The following JPH1 variants were observed in gnomAD, a reference collection of about 807,000 sequenced individuals.
The protein encoded by JPH1 is junctophilin-1.
A neutral mutation model predicts 53.6 loss-of-function variants in JPH1; 12 were observed. The ratio of observed to expected loss-of-function variants is 0.22; its 90% CI spans 0.14 to 0.36. JPH1 has a LOEUF of 0.36. Among genes scored for constraint, JPH1 ranks in the 10% least tolerant of loss-of-function variants. The pLI, the probability that JPH1 is intolerant of heterozygous loss-of-function variation, is 1.00. For synonymous variants in JPH1, 375 were observed against 363.8 expected (o/e 1.03, Z -0.35); for missense variants, 808 against 905.5 (o/e 0.89, Z 1.38).
In JPH1 at chr8:74,237,198, C is replaced by T. The variant is rs150774881; in HGVS notation, c.*15+10G>A. The T allele has an allele frequency of 2.2e-4, 335 of 1,498,278 alleles. No individual in the cohort carries two copies. The East Asian group carries it at 3.7e-3, about 17-fold the overall frequency. The allele number at this position is 1,498,278 out of a possible 1,614,324, so 92.8% of individuals were successfully genotyped here. On this transcript the variant is annotated intron_variant, in intron 5 of 5. Transcript: ENST00000342232. ...CTATGATTTTAGATAGAAATTAAGG[C>T]GATTCTTACCTTTCCTAATTCCAAT...
At chr8:74,319,664 G>A (rs1267767851) in intron 1 of JPH1, among the ~76,000 whole-genome samples, 1 of 152,330 alleles carries the variant, frequency 6.6e-6, no homozygotes, top group African/African-American at 2.4e-5. Flanking sequence ...TACAAATTGT[G>A]TAAGCTTTTA....
At position 74,321,293 on chromosome 8, in the gene JPH1, G is replaced by A. The variant is rs200235829; in HGVS notation, c.-6C>T. ...TCGAACCTTCCGCCCGTCATTCGGG[G>A]GGCAGCCCCGGCGCGCTCCCCGCAG... On this transcript the variant is annotated 5_prime_UTR_variant, in exon 1 of 6. Coordinates refer to ENST00000342232, the MANE Select transcript of JPH1 (RefSeq NM_020647.4). This position sits in a 1 kb window ranked among gnomAD's most constrained non-coding sequence, Gnocchi z 4.3. The A allele has an allele frequency of 3.6e-3, 5,651 of 1,548,410 alleles. 12 individuals carry two copies. The highest frequency in any genetic ancestry group is 4.1e-3 in the Non-Finnish European group (4,749 of 1,147,578).
intron 3 of JPH1, 45 bp downstream of exon 3, chr8:74,259,339 CA>C (rs1372558785): frequency 1.4e-6 from 2 of 1,402,778 alleles, no homozygotes; most frequent in African/African-American, 2.8e-5. Flanking sequence ...AAAAGCAAGC[CA>C]AAGCCAGTGC....
At chr8:74,237,996 C>A (rs1177835250) in intron 4 of JPH1, among the ~76,000 whole-genome samples, 1 of 152,154 alleles carries the variant, frequency 6.6e-6, no homozygotes, top group Non-Finnish European at 1.5e-5. Context: ...AGATAGTTGT[C>A]CAAGGGCCCC....
intron 2 of JPH1, among the ~76,000 whole-genome samples, chr8:74,273,765 T>A (rs1806771497): frequency 6.6e-6 from 1 of 152,208 alleles, no homozygotes; most frequent in Non-Finnish European, 1.5e-5. Flanking sequence ...TTAAAAATAA[T>A]ATAGCGCATT....
chr8:74,259,592 G>T, intron 2 of JPH1, 89 bp from the exon 3 acceptor site: 2 of 987,852 alleles, frequency 2.0e-6, no homozygotes, highest in Non-Finnish European at 1.4e-6. Flanking sequence ...GAAAAGAAAT[G>T]TTAATTATGA....
chr8:74,317,953 G>A (rs770639272), intron 1 of JPH1, among the ~76,000 whole-genome samples: 3 of 152,136 alleles, frequency 2.0e-5, no homozygotes, highest in South Asian at 2.1e-4. Flanking sequence ...ATAGGGAAGG[G>A]GGGGACAAGA....
At chr8:74,252,925 T>G (rs905377291) in intron 3 of JPH1, among the ~76,000 whole-genome samples, 4 of 151,972 alleles carry the variant, frequency 2.6e-5, no homozygotes, top group African/African-American at 9.7e-5. Flanking sequence ...AGACTTAGAC[T>G]CCCACACAAT....
intron 2 of JPH1, among the ~76,000 whole-genome samples, chr8:74,312,746 C>T (rs1232405165): frequency 2.6e-5 from 4 of 152,126 alleles, no homozygotes; most frequent in Admixed American, 1.3e-4. Flanking sequence ...CATTTTAGAT[C>T]AAGTCAGGTC....
At chr8:74,250,222 C>T (rs892474329) in intron 3 of JPH1, among the ~76,000 whole-genome samples, 11 of 151,926 alleles carry the variant, frequency 7.2e-5, no homozygotes, top group Non-Finnish European at 1.2e-4. Flanking sequence ...CAACCTCTGC[C>T]TCTCAGTTCA....
chr8:74,295,363 CTCATAT>C (rs1335471738), intron 2 of JPH1, among the ~76,000 whole-genome samples: 1 of 152,076 alleles, frequency 6.6e-6, no homozygotes, highest in Non-Finnish European at 1.5e-5. Flanking sequence ...CTCTCATCAC[CTCATAT>C]ATTATACGCT....
rs1808130098 is a variant in JPH1 at position 74,315,522 on chromosome 8, G to A, written c.478C>T (p.Arg160Cys). The change falls in exon 2 of 6, where the codon CGT (arginine) becomes TGT (cysteine). Residue 160 changes from arginine to cysteine, a missense_variant. By Grantham distance (180) the Arg-to-Cys change is radical. Transcript: ENST00000342232. This position sits in a 1 kb window ranked among gnomAD's most constrained non-coding sequence, Gnocchi z 6.3. ...GMATVIRSPL[R>C]TSLASLRSEQ... ...CTGCGCAGCGAGGCCAGCGAGGTAC[G>A]CAGCGGTGAGCGGATCACCGTGGCC... 1 of 1,605,140 alleles carries A rather than the reference G, an allele frequency of 6.2e-7. No individual in the cohort carries two copies. Among genetic ancestry groups the A allele is most frequent in the African/African-American group, 1.3e-5 (1 of 74,720 alleles).
chr8:74,297,103 C>G (rs1586765301), intron 2 of JPH1, among the ~76,000 whole-genome samples: 1 of 152,300 alleles, frequency 6.6e-6, no homozygotes, highest in South Asian at 2.1e-4. Context: ...TGCTGGTGGA[C>G]TACAGCAGAA....
intron 2 of JPH1, among the ~76,000 whole-genome samples, chr8:74,301,182 T>C (rs1386117358): frequency 6.6e-6 from 1 of 152,114 alleles, no homozygotes; most frequent in Non-Finnish European, 1.5e-5. Context: ...GGGTCTTTTA[T>C]CACCTCCTCC....
At chr8:74,237,391 G>A (rs1257575960) in intron 4 of JPH1, 88 bp from the exon 5 acceptor site, 6 of 1,058,838 alleles carry the variant, frequency 5.7e-6, no homozygotes, top group Non-Finnish European at 8.6e-6. Context: ...AAATGAGAAA[G>A]TTAACATGAT....
intron 2 of JPH1, among the ~76,000 whole-genome samples, chr8:74,273,850 T>G (rs781064996): frequency 6.6e-6 from 1 of 152,204 alleles, no homozygotes; most frequent in Non-Finnish European, 1.5e-5. Context: ...CCCTGGGACC[T>G]TATGTTGACC....
intron 2 of JPH1, among the ~76,000 whole-genome samples, chr8:74,280,160 A>G (rs1806969376): frequency 6.6e-6 from 1 of 152,208 alleles, no homozygotes; most frequent in Admixed American, 6.5e-5. Context: ...TGTATTTGTA[A>G]CTGTAGATTG....
At chr8:74,296,975 T>C (rs544797465) in intron 2 of JPH1, among the ~76,000 whole-genome samples, 7 of 152,302 alleles carry the variant, frequency 4.6e-5, no homozygotes, top group African/African-American at 1.7e-4. Flanking sequence ...GCAGGAGAAA[T>C]TGATACCTGA....
chr8:74,293,645 C>A (rs1807406364), intron 2 of JPH1, among the ~76,000 whole-genome samples: 1 of 152,194 alleles, frequency 6.6e-6, no homozygotes, highest in South Asian at 2.1e-4. Context: ...TATAGGCATG[C>A]TTTGCCTTTT....
Sources: allele counts gnomAD v4.1 joint callset (sites outside exome capture counted in the v4.1 genomes callset), GRCh38; gene constraint gnomAD v4.1.1; non-coding constraint Gnocchi (gnomAD v3.1); transcripts MANE v1.5; gene names NCBI Gene and HGNC (gene_info 2026-07-23, HGNC 2026-07-21).